Variants in EPB41L4A observed in about 807,000 individuals in gnomAD.
EPB41L4A encodes band 4.1-like protein 4A.
A neutral mutation model predicts 108.6 loss-of-function variants in EPB41L4A; 100 were observed. That is an observed-to-expected ratio of 0.92 (90% confidence interval 0.78 to 1.09). EPB41L4A has a LOEUF of 1.09. Ranked by LOEUF, EPB41L4A falls within the 50% of genes least tolerant of loss-of-function variation. EPB41L4A has a pLI of 0.00. For synonymous variants in EPB41L4A, 319 were observed against 289.0 expected (o/e 1.10, Z -1.05); for missense variants, 1,030 against 842.7 (o/e 1.22, Z -2.75).
intron 1 of EPB41L4A, among the ~76,000 whole-genome samples, chr5:112,333,081 T>C (rs1756669682): frequency 6.6e-6 from 1 of 152,196 alleles, no homozygotes; most frequent in African/African-American, 2.4e-5. Context: ...CTGCAATCAT[T>C]AGTAGCTACT....
intron 1 of EPB41L4A, among the ~76,000 whole-genome samples, chr5:112,360,563 G>A (rs986162343): frequency 5.3e-5 from 8 of 152,164 alleles, no homozygotes; most frequent in African/African-American, 1.7e-4. Flanking sequence ...ACGGAGTCTC[G>A]CTCACTCAGT....
At chr5:112,307,362 T>C (rs747301642) in intron 2 of EPB41L4A, 24 bp downstream of exon 2, 17 of 1,515,432 alleles carry the variant, frequency 1.1e-5, no homozygotes, top group Non-Finnish European at 1.6e-5. Context: ...CCAGAAAAAT[T>C]TAACACAAAG....
At chr5:112,231,948 T>A (rs1748986018) in intron 12 of EPB41L4A, among the ~76,000 whole-genome samples, 1 of 149,152 alleles carries the variant, frequency 6.7e-6, no homozygotes, top group Non-Finnish European at 1.5e-5. Context: ...CTACAAAAAA[T>A]AAAAGATTAA....
intron 1 of EPB41L4A, among the ~76,000 whole-genome samples, chr5:112,339,095 G>C (rs190145172): frequency 6.6e-6 from 1 of 152,240 alleles, no homozygotes; most frequent in Admixed American, 6.5e-5. Context: ...AAAATCAACA[G>C]GCCTGGCGAC....
At chr5:112,154,452 C>A (rs960862885) in intron 12 of EPB41L4A, among the ~76,000 whole-genome samples, 1 of 152,174 alleles carries the variant, frequency 6.6e-6, no homozygotes, top group African/African-American at 2.4e-5. Flanking sequence ...CAATAATTTA[C>A]GCAATGATTT....
rs1425067596 is a variant in EPB41L4A at position 112,169,031 on chromosome 5, C to G, written c.1814G>C (p.Cys605Ser). 1.2e-6 allele frequency: 2 copies of G among 1,614,120 alleles called. No individual in the cohort carries two copies. The highest frequency in any genetic ancestry group is 1.7e-6 in the Non-Finnish European group (2 of 1,179,966). Reference sequence around the variant, plus strand: ...GAGAACTGATCGCTCCCCATCTGAACACTGGGACCTGCGATACTGGCGGTA... The same window carrying G: ...GAGAACTGATCGCTCCCCATCTGAAGACTGGGACCTGCGATACTGGCGGTA... ...RSYRQYRRSQCSDGERSVLSE... is the reference protein window; with the variant it reads ...RSYRQYRRSQSSDGERSVLSE... Residue 605 changes from cysteine (C) to serine (S), a missense_variant, in exon 21 of 23, where the codon TGT becomes TCT. Coordinates refer to ENST00000261486, the MANE Select transcript of EPB41L4A (RefSeq NM_022140.5).
At position 112,148,176 on chromosome 5, in the gene EPB41L4A, TATA is replaced by T. The variant is rs574913849; in HGVS notation, n.995-2181_995-2179del. On this transcript the variant is annotated intron_variant and non_coding_transcript_variant, in intron 12 of 13. Coordinates refer to the EPB41L4A transcript ENST00000507810. ...ATAATATAATAGTATTACTATATAA[TATA>T]ATAATATAATAGTATTACTATATAA... Among the ~76,000 whole-genome samples the T allele has an allele frequency of 6.9e-3, 1,014 of 147,918 alleles. 7 individuals are homozygous for T. The highest frequency in any genetic ancestry group is 0.011 in the Middle Eastern group (3 of 280).
rs770493589 is a variant in EPB41L4A at position 112,355,003 on chromosome 5, GA to G, written c.100-47514del. Among the ~76,000 whole-genome samples, 26 of 151,986 alleles carry G rather than the reference GA, an allele frequency of 1.7e-4. No individual in the cohort carries two copies. The East Asian group carries it at 2.9e-3, about 17-fold the overall frequency. ...CAAAATAAACAAAAGGAGGAAGGGG[GA>G]AAAAAATTGAAATAGGACCAGAAAA... On this transcript the variant is annotated intron_variant, in intron 1 of 22. Coordinates refer to ENST00000261486, the MANE Select transcript of EPB41L4A (RefSeq NM_022140.5).
chr5:112,367,690 C>T (rs533927200), intron 1 of EPB41L4A, among the ~76,000 whole-genome samples: 51 of 152,314 alleles, frequency 3.3e-4, no homozygotes, highest in Admixed American at 1.2e-3. Context: ...TGTGCGCAAA[C>T]GCCTCTGCAT....
chr5:112,292,504 T>G (rs555858943), intron 2 of EPB41L4A, among the ~76,000 whole-genome samples: 1 of 152,206 alleles, frequency 6.6e-6, no homozygotes, highest in African/African-American at 2.4e-5. Context: ...CACTTTCCCA[T>G]GAAACAAAAA....
intron 1 of EPB41L4A, among the ~76,000 whole-genome samples, chr5:112,368,895 C>T (rs867964272): frequency 9.2e-5 from 14 of 152,128 alleles, no homozygotes; most frequent in African/African-American, 3.4e-4. Context: ...TCTGCCTTCT[C>T]ACTCCTCTGT....
At chr5:112,408,544 C>G (rs1250870754) in intron 1 of EPB41L4A, among the ~76,000 whole-genome samples, 1 of 151,734 alleles carries the variant, frequency 6.6e-6, no homozygotes, top group African/African-American at 2.4e-5. Context: ...TAAACAGACA[C>G]TTCTCCAAAA....
intron 1 of EPB41L4A, among the ~76,000 whole-genome samples, chr5:112,365,387 C>T (rs968695255): frequency 6.6e-6 from 1 of 152,082 alleles, no homozygotes; most frequent in Non-Finnish European, 1.5e-5. Context: ...GTATCTCTTC[C>T]TCAAATACTG....
chr5:112,377,476 C>T (rs992749795), intron 1 of EPB41L4A, among the ~76,000 whole-genome samples: 1 of 152,252 alleles, frequency 6.6e-6, no homozygotes, highest in South Asian at 2.1e-4. Flanking sequence ...CTGCAGCAAA[C>T]AGCAAGTACT....
chr5:112,215,193 T>C (rs1205074379), intron 12 of EPB41L4A, among the ~76,000 whole-genome samples: 1 of 152,236 alleles, frequency 6.6e-6, no homozygotes, highest in Non-Finnish European at 1.5e-5. Context: ...GATGTGGTGG[T>C]ACCTGAGACG....
At chr5:112,340,518 T>C (rs1314491136) in intron 1 of EPB41L4A, among the ~76,000 whole-genome samples, 2 of 152,204 alleles carry the variant, frequency 1.3e-5, no homozygotes, top group African/African-American at 4.8e-5. Flanking sequence ...TTGAGAAGGG[T>C]GGGAAGTCTT....
chr5:112,204,063 C>G (rs1486060835), intron 15 of EPB41L4A, among the ~76,000 whole-genome samples: 1 of 150,896 alleles, frequency 6.6e-6, no homozygotes, highest in Admixed American at 6.6e-5. Flanking sequence ...TATACTGTCT[C>G]TACTTTGTAA....
chr5:112,259,313 T>C, intron 8 of EPB41L4A, 21 bp from the exon 9 acceptor site: 1 of 1,603,290 alleles, frequency 6.2e-7, no homozygotes, highest in Non-Finnish European at 8.5e-7. Flanking sequence ...AAGCAGATGG[T>C]GTTGCTGCTG....
chr5:112,272,733 A>T (rs1208915826), intron 4 of EPB41L4A, among the ~76,000 whole-genome samples: 1 of 131,006 alleles, frequency 7.6e-6, no homozygotes, highest in East Asian at 2.5e-4. Context: ...GTGAGCTGAG[A>T]TTGCACCACT....
Sources: allele counts gnomAD v4.1 joint callset (sites outside exome capture counted in the v4.1 genomes callset), GRCh38; gene constraint gnomAD v4.1.1; transcripts MANE v1.5; gene names NCBI Gene and HGNC (gene_info 2026-07-23, HGNC 2026-07-21).